ATP1A1: variants seen among roughly 807,000 people sequenced by gnomAD.
ATP1A1 encodes the protein sodium/potassium-transporting ATPase subunit alpha-1.
Under a neutral mutation model 114.8 loss-of-function variants are expected in ATP1A1, and 14 were observed. The observed-to-expected ratio is 0.12, with a 90% CI of 0.08 to 0.19. The LOEUF (loss-of-function observed/expected upper bound fraction) is 0.19. Ranked by LOEUF, ATP1A1 falls within the 10% of genes least tolerant of loss-of-function variation. The pLI is 1.00. For missense variants in ATP1A1, 524 were observed against 1,290.7 expected (o/e 0.41, Z 9.10); for synonymous variants, 471 against 466.3 (o/e 1.01, Z -0.13).
Position 116,401,281 on chromosome 1 carries a change from C to G in ATP1A1, c.2849+21C>G, listed in dbSNP as rs1217497364. ...ATGAAGTAAGTAATGAAGGACATGT[C>G]AAGGCCTTGGCTCAAAGAAGGGGAC... On this transcript the variant is annotated intron_variant, in intron 20 of 22. Transcript: ENST00000295598. This position sits in a 1 kb window ranked among gnomAD's most constrained non-coding sequence, Gnocchi z 4.7. 21 of 1,613,562 alleles carry G rather than the reference C, an allele frequency of 1.3e-5. No individual in the cohort carries two copies. Among genetic ancestry groups the G allele is most frequent in the East Asian group, 4.5e-5 (2 of 44,876 alleles).
intron 1 of ATP1A1, among the ~76,000 whole-genome samples, chr1:116,376,836 C>G (rs896975085): frequency 1.3e-5 from 2 of 152,140 alleles, no homozygotes; most frequent in Non-Finnish European, 2.9e-5. Context: ...GATGTTTGCC[C>G]AGATGAGGGC....
At chr1:116,394,331 ACATT>A (rs1652726543) in intron 12 of ATP1A1, among the ~76,000 whole-genome samples, 1 of 152,174 alleles carries the variant, frequency 6.6e-6, no homozygotes, top group African/African-American at 2.4e-5. Context: ...GACAGATACT[ACATT>A]CATTATTTAT....
chr1:116,388,482 C>T lies in ATP1A1; in HGVS notation c.502-156C>T. 15 of 1,145,602 alleles carry T rather than the reference C, an allele frequency of 1.3e-5. No homozygotes were observed. Among genetic ancestry groups the T allele is most frequent in the South Asian group, 1.1e-4 (7 of 62,248 alleles). The allele number at this position is 1,145,602 out of a possible 1,614,324, so 71.0% of individuals were successfully genotyped here. Reference sequence around the variant, plus strand: ...GTAACAGCAATATCTCTTAAACTGGCGAGCAAGCTTTTGTAACTTGTGTAA... The same window carrying T: ...GTAACAGCAATATCTCTTAAACTGGTGAGCAAGCTTTTGTAACTTGTGTAA... On this transcript the variant is annotated intron_variant, in intron 5 of 22. Coordinates refer to ENST00000295598, the MANE Select transcript of ATP1A1 (RefSeq NM_000701.8). The surrounding 1 kb of genome is among the most constrained non-coding windows in gnomAD (Gnocchi z 5.6).
intron 10 of ATP1A1, chr1:116,392,224 G>A (rs1189367929): frequency 6.6e-6 from 1 of 152,196 alleles, no homozygotes; most frequent in Non-Finnish European, 1.5e-5. Context: ...TGTCACTGAA[G>A]CATGGGCTTT....
At chr1:116,382,421 A>C (rs1014405852) in intron 1 of ATP1A1, 2 of 152,194 alleles carry the variant, frequency 1.3e-5, no homozygotes, top group Non-Finnish European at 2.9e-5. Context: ...CAAGAGCTGT[A>C]CCGAAAGAGG....
chr1:116,394,850 G>T (rs541876848), intron 12 of ATP1A1, among the ~76,000 whole-genome samples: 17 of 152,274 alleles, frequency 1.1e-4, no homozygotes, highest in Non-Finnish European at 1.9e-4. Flanking sequence ...TATCAATTCA[G>T]TCTTCTCCAC....
rs775993792 is a variant in ATP1A1, at chr1:116,398,605, C to T, written c.2125-16C>T. 3.1e-6 allele frequency: 5 copies of T among 1,611,342 alleles called. No individual in the cohort carries two copies. The South Asian group carries it at 3.3e-5, about 11-fold the overall frequency. Reference sequence around the variant, plus strand: ...AAAGTGATTGGTATTAACCCGTTTTCCCTTTTCTGGGGTAGGGTGCTATCG... The same window carrying T: ...AAAGTGATTGGTATTAACCCGTTTTTCCTTTTCTGGGGTAGGGTGCTATCG... On this transcript the variant is annotated splice_polypyrimidine_tract_variant and intron_variant, in intron 15 of 22. Coordinates refer to ENST00000295598, the MANE Select transcript of ATP1A1 (RefSeq NM_000701.8). This position sits in a 1 kb window ranked among gnomAD's most constrained non-coding sequence, Gnocchi z 6.1.
At position 116,397,480 on chromosome 1, in the gene ATP1A1, C is replaced by T. The variant is rs1275792803; in HGVS notation, c.1974-408C>T. ...GATTACAGGCCCCAACCACCATGCCCGGCTAATTTTTGAATTTTTAGACCA... is the reference window on the plus strand; with the variant it reads ...GATTACAGGCCCCAACCACCATGCCTGGCTAATTTTTGAATTTTTAGACCA... On this transcript the variant is annotated intron_variant, in intron 14 of 22. Transcript: ENST00000295598. This position sits in a 1 kb window ranked among gnomAD's most constrained non-coding sequence, Gnocchi z 4.2. Among the ~76,000 whole-genome samples the T allele has an allele frequency of 5.3e-5, 8 of 152,012 alleles. No homozygotes were observed. The highest frequency in any genetic ancestry group is 1.0e-4 in the Non-Finnish European group (7 of 68,008).
intron 1 of ATP1A1, chr1:116,382,691 A>G (rs1417909411): frequency 1.2e-5 from 1 of 85,748 alleles, no homozygotes; most frequent in East Asian, 2.0e-4. Context: ...TAAGTGAACA[A>G]TGTATTTTAT....
At chr1:116,390,670 G>A (rs1652396066) in intron 9 of ATP1A1, 112 bp from the exon 10 acceptor site, 1 of 953,916 alleles carries the variant, frequency 1.0e-6, no homozygotes, top group Admixed American at 2.2e-5. Flanking sequence ...TCATTAATTG[G>A]GAAATGAGAT....
chr1:116,388,293 C>T lies in ATP1A1; in HGVS notation c.501+49C>T. 1 of 1,398,446 alleles carries T rather than the reference C, an allele frequency of 7.2e-7. No individual in the cohort carries two copies. The highest frequency in any genetic ancestry group is 1.0e-6 in the Non-Finnish European group (1 of 985,260). 86.6% of individuals were successfully genotyped at this position (1,398,446 alleles called of 1,614,324 possible). On this transcript the variant is annotated intron_variant, in intron 5 of 22. Transcript: ENST00000295598. The surrounding 1 kb of genome is among the most constrained non-coding windows in gnomAD (Gnocchi z 5.6). ...CAGTGGATGACTTGACAGCCCCAAG[C>T]ATGTCAGCCTGTGAATTAGTGTGAA...
Position 116,373,759 on chromosome 1 carries a change from G to C in ATP1A1, c.12+236G>C, listed in dbSNP as rs1038972470. Reference sequence around the variant, plus strand: ...GGGCTGGAGCGCGGCATTGCTTAGGGGGGTGGGCGGACCCTGGGCGGGGGC... The same window carrying C: ...GGGCTGGAGCGCGGCATTGCTTAGGCGGGTGGGCGGACCCTGGGCGGGGGC... On this transcript the variant is annotated intron_variant, in intron 1 of 22. Coordinates refer to ENST00000295598, the MANE Select transcript of ATP1A1 (RefSeq NM_000701.8). 5 of 1,189,134 alleles carry C rather than the reference G, an allele frequency of 4.2e-6. No homozygotes were observed. The African/African-American group carries it at 8.1e-5, about 19-fold the overall frequency. 73.7% of individuals were successfully genotyped at this position (1,189,134 alleles called of 1,614,324 possible). A position where few individuals can be genotyped will look rare whatever the true frequency, so the allele number is the denominator to read the frequency against.
Position 116,393,115 on chromosome 1 carries a change from T to C in ATP1A1, c.1467+127T>C. On this transcript the variant is annotated intron_variant, in intron 11 of 22. Transcript: ENST00000295598. This position sits in a 1 kb window ranked among gnomAD's most constrained non-coding sequence, Gnocchi z 5.0. ...TAAGCTTTAGCTTTAAATTTTGCCCTTGATTACCATAGAATGCCATAATTT... is the reference window on the plus strand; with the variant it reads ...TAAGCTTTAGCTTTAAATTTTGCCCCTGATTACCATAGAATGCCATAATTT... 7.4e-7 allele frequency: 1 copy of C among 1,355,564 alleles called. No homozygotes were observed. The highest frequency in any genetic ancestry group is 2.4e-5 in the East Asian group (1 of 41,500). The allele number at this position is 1,355,564 out of a possible 1,614,324, so 84.0% of individuals were successfully genotyped here.
At chr1:116,396,276 CTTT>C (rs367825500) in intron 13 of ATP1A1, among the ~76,000 whole-genome samples, 5 of 102,650 alleles carry the variant, frequency 4.9e-5, no homozygotes, top group African/African-American at 1.2e-4. Context: ...GATTTTTATC[CTTT>C]TTTTTTTTTT....
chr1:116,400,651 G>C (rs781712909), intron 18 of ATP1A1, among the ~76,000 whole-genome samples: 5 of 152,046 alleles, frequency 3.3e-5, no homozygotes, highest in African/African-American at 1.2e-4. Flanking sequence ...AAAAGCAGAG[G>C]GCCCTGAGAT....
chr1:116,404,613 G>A lies in ATP1A1; in HGVS notation c.*169G>A. On this transcript the variant is annotated 3_prime_UTR_variant, in exon 23 of 23. Coordinates refer to ENST00000295598, the MANE Select transcript of ATP1A1 (RefSeq NM_000701.8). The surrounding 1 kb of genome is among the most constrained non-coding windows in gnomAD (Gnocchi z 4.8). ...GAATGAAGCATGTAGCTCTATGGGGGGAGGGGGGAGGGCTGCCTGAAAACC... is the reference window on the plus strand; with the variant it reads ...GAATGAAGCATGTAGCTCTATGGGGAGAGGGGGGAGGGCTGCCTGAAAACC... 7.9e-7 allele frequency: 1 copy of A among 1,265,124 alleles called. No individual in the cohort carries two copies. The highest frequency in any genetic ancestry group is 1.0e-6 in the Non-Finnish European group (1 of 985,422). 78.4% of individuals were successfully genotyped at this position (1,265,124 alleles called of 1,614,324 possible).
At chr1:116,382,284 A>G (rs1651796377) in intron 1 of ATP1A1, 1 of 152,108 alleles carries the variant, frequency 6.6e-6, no homozygotes, top group South Asian at 2.1e-4. Flanking sequence ...GGTATGATAT[A>G]CCTTTAATTA....
chr1:116,383,984 T>A (rs984468691), intron 1 of ATP1A1, 30 bp from the exon 2 acceptor site: 1 of 1,580,212 alleles, frequency 6.3e-7, no homozygotes, highest in African/African-American at 1.4e-5. Context: ...TCATAATTCA[T>A]GGCCTCACTT....
chr1:116,378,417 G>C (rs753469903), intron 1 of ATP1A1, among the ~76,000 whole-genome samples: 1 of 152,186 alleles, frequency 6.6e-6, no homozygotes, highest in Non-Finnish European at 1.5e-5. Context: ...TCAGTGATTT[G>C]ATAAGTTGAT....
Sources: gnomAD v4.1 joint callset for allele counts (sites outside exome capture counted in the v4.1 genomes callset) on GRCh38, gnomAD v4.1.1 for gene constraint, Gnocchi (gnomAD v3.1) non-coding constraint, MANE v1.5 for transcripts, NCBI Gene and HGNC (gene_info 2026-07-23, HGNC 2026-07-21) for gene names.